Variants in PTPN5 observed in about 807,000 individuals in gnomAD.
PTPN5 encodes protein tyrosine phosphatase non-receptor type 5, also known as tyrosine-protein phosphatase non-receptor type 5.
PTPN5 carries 29 observed loss-of-function variants against 73.9 expected under a neutral mutation model. That is an observed-to-expected ratio of 0.39 (90% CI 0.29 to 0.54). The LOEUF is 0.54. Ranked by LOEUF, PTPN5 falls within the 20% of genes least tolerant of loss-of-function variation. The pLI is 0.65. For missense variants in PTPN5, 652 were observed against 751.4 expected (o/e 0.87, Z 1.55); for synonymous variants, 267 against 304.7 (o/e 0.88, Z 1.29).
chr11:18,743,994 T>C lies in PTPN5; in HGVS notation c.291+12A>G. 6.3e-7 allele frequency: 1 copy of C among 1,590,220 alleles called. No homozygotes were observed. The highest frequency in any genetic ancestry group is 8.5e-7 in the Non-Finnish European group (1 of 1,171,288). ...TCTCTCCAGACCCTTGTGAGGCCTG[T>C]GCCATCCTTACCAGGAACTGTGAGG... On this transcript the variant is annotated intron_variant, in intron 4 of 14. Coordinates refer to ENST00000358540, the MANE Select transcript of PTPN5 (RefSeq NM_006906.2).
chr11:18,770,806 T>C (rs1379122657), intron 2 of PTPN5, among the ~76,000 whole-genome samples: 1 of 152,246 alleles, frequency 6.6e-6, no homozygotes, highest in Non-Finnish European at 1.5e-5. Flanking sequence ...TGCTGGGTGC[T>C]GGAGATCCAG....
chr11:18,749,450 C>G, intron 3 of PTPN5: 2 of 497,050 alleles, frequency 4.0e-6, no homozygotes, highest in Non-Finnish European at 7.8e-6. Context: ...GTCACTGCAG[C>G]AAGGCAGGGA....
At chr11:18,740,522 G>C in intron 8 of PTPN5, 81 bp downstream of exon 8, 4 of 1,272,870 alleles carry the variant, frequency 3.1e-6, no homozygotes, top group Non-Finnish European at 4.1e-6. Context: ...TGAGTTCCAG[G>C]CACCACGCTC....
At chr11:18,760,117 T>C (rs1439237024) in intron 3 of PTPN5, among the ~76,000 whole-genome samples, 1 of 152,094 alleles carries the variant, frequency 6.6e-6, no homozygotes, top group Non-Finnish European at 1.5e-5. Context: ...GCAGGGACCA[T>C]GTCTGTCTTG....
chr11:18,764,238 A>T (rs1198371149), intron 3 of PTPN5, among the ~76,000 whole-genome samples: 2 of 152,164 alleles, frequency 1.3e-5, no homozygotes, highest in African/African-American at 2.4e-5. Flanking sequence ...AGAGTCAGAG[A>T]GTTCTGCGTC....
At chr11:18,747,907 A>G (rs1380986258) in intron 3 of PTPN5, among the ~76,000 whole-genome samples, 2 of 152,238 alleles carry the variant, frequency 1.3e-5, no homozygotes, top group African/African-American at 4.8e-5. Context: ...TGCTTAATAA[A>G]TGTTGTACAC....
In PTPN5 at chr11:18,740,704, C is replaced by T; in HGVS notation, c.814G>A (p.Glu272Lys). The T allele has an allele frequency of 6.2e-7, 1 of 1,608,612 alleles. No homozygotes were observed. Among genetic ancestry groups the T allele is most frequent in the Non-Finnish European group, 8.5e-7 (1 of 1,177,094 alleles). The change falls in exon 8 of 15, where the codon GAG (glutamate) becomes AAG (lysine). Residue 272 changes from glutamate (E) to lysine (K), a missense_variant. Physicochemically the swap from Glu to Lys is moderately conservative, Grantham distance 56. Transcript: ENST00000358540. ...CTGAGCAGGTACTCGCGGGCGGACT[C>T]CTCACGTGGGGACATGAGATAGCCA... Reference protein sequence around the residue: ...GFGYLMSPREESAREYLLSAS... With the variant: ...GFGYLMSPREKSAREYLLSAS...
intron 2 of PTPN5, among the ~76,000 whole-genome samples, chr11:18,769,887 G>A (rs1046712599): frequency 2.6e-5 from 4 of 152,174 alleles, no homozygotes; most frequent in Non-Finnish European, 5.9e-5. Context: ...GCAGAGGCAC[G>A]TGGGCAAGAA....
At chr11:18,761,876 G>A (rs568268956) in intron 3 of PTPN5, among the ~76,000 whole-genome samples, 2 of 152,342 alleles carry the variant, frequency 1.3e-5, no homozygotes, top group East Asian at 1.9e-4. Flanking sequence ...GCATGCAGGT[G>A]TGTGAGCCTG....
At chr11:18,780,226 C>T (rs950948172) in intron 1 of PTPN5, among the ~76,000 whole-genome samples, 3 of 152,226 alleles carry the variant, frequency 2.0e-5, no homozygotes, top group African/African-American at 7.2e-5. Flanking sequence ...AGAACCTCCT[C>T]TGCCCTCTGG....
rs946906034 is a variant in PTPN5 at position 18,739,875 on chromosome 11, C to T, written c.915+728G>A. On this transcript the variant is annotated intron_variant, in intron 8 of 14. Transcript: ENST00000358540. ...GCCAGGAAAGAATTATAGGGGTGCC[C>T]CCATGCGGCAAGGTCCGAGATGTGC... Among the ~76,000 whole-genome samples, 5 of 152,196 alleles carry T rather than the reference C, an allele frequency of 3.3e-5. No homozygotes were observed. In the South Asian group the frequency reaches 6.2e-4, roughly 19 times the overall value.
chr11:18,735,728 G>A (rs1849082529), intron 9 of PTPN5, among the ~76,000 whole-genome samples: 1 of 149,158 alleles, frequency 6.7e-6, no homozygotes. Context: ...CTGTGCCACT[G>A]CACTCCAGCC....
chr11:18,764,734 A>G (rs1381453219), intron 3 of PTPN5, among the ~76,000 whole-genome samples: 1 of 151,572 alleles, frequency 6.6e-6, no homozygotes, highest in Admixed American at 6.6e-5. Flanking sequence ...TTTTTTGGAG[A>G]CGGAGTCTTA....
chr11:18,757,881 T>A (rs1310960410), intron 3 of PTPN5, among the ~76,000 whole-genome samples: 1 of 152,226 alleles, frequency 6.6e-6, no homozygotes, highest in East Asian at 1.9e-4. Context: ...CAGTTAGCTA[T>A]CTAGACATAA....
intron 1 of PTPN5, among the ~76,000 whole-genome samples, chr11:18,788,462 G>A (rs190785804): frequency 2.6e-5 from 4 of 152,216 alleles, no homozygotes; most frequent in East Asian, 3.9e-4. Context: ...GCTCCAGTTG[G>A]AATGAACTGC....
At chr11:18,752,415 A>G (rs1849931684) in intron 3 of PTPN5, among the ~76,000 whole-genome samples, 1 of 152,204 alleles carries the variant, frequency 6.6e-6, no homozygotes, top group Admixed American at 6.5e-5. Flanking sequence ...TTCATCTGCC[A>G]GATGAGCCCC....
intron 3 of PTPN5, among the ~76,000 whole-genome samples, chr11:18,749,960 C>T (rs1849811551): frequency 6.6e-6 from 1 of 152,202 alleles, no homozygotes; most frequent in Non-Finnish European, 1.5e-5. Flanking sequence ...GGCCAGCGGT[C>T]ACAGGGAGCC....
chr11:18,743,394 G>C lies in PTPN5; in HGVS notation c.327C>G (p.Gly109=). Residue 109 remains glycine, a synonymous_variant, in exon 5 of 15, where the codon GGC becomes GGG. Coordinates refer to ENST00000358540, the MANE Select transcript of PTPN5 (RefSeq NM_006906.2). ...TTGTGGCGTTCTGTGACCAGATGTG[G>C]CCATAACCGCTGAACCAGAGCACCC... ...ACGVLWFSGY[G]HIWSQNATNL... is the part of the protein sequence containing the mutation. 4 of 1,614,100 alleles carry C rather than the reference G, an allele frequency of 2.5e-6. No individual in the cohort carries two copies. Among genetic ancestry groups the C allele is most frequent in the Non-Finnish European group, 3.4e-6 (4 of 1,180,010 alleles).
chr11:18,767,469 C>T (rs999424170), intron 2 of PTPN5, among the ~76,000 whole-genome samples: 1 of 152,204 alleles, frequency 6.6e-6, no homozygotes, highest in African/African-American at 2.4e-5. Context: ...TTCTCCCTCC[C>T]CATCTTGGTC....
Sources: gnomAD v4.1 joint callset for allele counts (sites outside exome capture counted in the v4.1 genomes callset) on GRCh38, gnomAD v4.1.1 for gene constraint, MANE v1.5 for transcripts, NCBI Gene and HGNC (gene_info 2026-07-23, HGNC 2026-07-21) for gene names.